Variants in ITPR1 observed in about 807,000 individuals in gnomAD.
ITPR1 encodes the protein inositol 1,4,5-trisphosphate-gated calcium channel ITPR1.
ITPR1 carries 96 observed loss-of-function variants against 318.4 expected under a neutral mutation model. The ratio of observed to expected loss-of-function variants is 0.30; its 90% CI spans 0.26 to 0.36. The LOEUF (loss-of-function observed/expected upper bound fraction) is 0.36, where lower values mean the gene tolerates loss of function less well. Ranked by LOEUF, ITPR1 falls within the 10% of genes least tolerant of loss-of-function variation. The pLI, the probability that ITPR1 is intolerant of heterozygous loss-of-function variation, is 1.00. For missense variants in ITPR1, 2,440 were observed against 3,460.2 expected (o/e 0.71, Z 7.40); for synonymous variants, 1,312 against 1,289.9 (o/e 1.02, Z -0.37).
At chr3:4,711,038 C>A (rs2041320648) in intron 38 of ITPR1, among the ~76,000 whole-genome samples, 1 of 151,750 alleles carries the variant, frequency 6.6e-6, no homozygotes, top group Non-Finnish European at 1.5e-5. Flanking sequence ...ATGGTGAAAC[C>A]CTATCTTGAC....
At chr3:4,627,277 C>T (rs1433659744) in intron 4 of ITPR1, among the ~76,000 whole-genome samples, 2 of 152,056 alleles carry the variant, frequency 1.3e-5, no homozygotes, top group African/African-American at 2.4e-5. Flanking sequence ...GTAGCATTAA[C>T]AACGTGGCAA....
At chr3:4,609,485 G>T (rs2091946034) in intron 4 of ITPR1, among the ~76,000 whole-genome samples, 1 of 152,116 alleles carries the variant, frequency 6.6e-6, no homozygotes, top group Non-Finnish European at 1.5e-5. Flanking sequence ...GTGGGCGAAA[G>T]GGTCTCTTTG....
chr3:4,740,832 G>A (rs990660498), intron 44 of ITPR1, among the ~76,000 whole-genome samples: 2 of 152,300 alleles, frequency 1.3e-5, no homozygotes, highest in South Asian at 4.1e-4. Flanking sequence ...GTGACACGTT[G>A]TCAGGTGATA....
chr3:4,574,868 T>A (rs1054748000), intron 4 of ITPR1, among the ~76,000 whole-genome samples: 5 of 152,226 alleles, frequency 3.3e-5, no homozygotes, highest in Admixed American at 3.3e-4. Context: ...TTAAAATGGA[T>A]CTGCAGGCTT....
In ITPR1 at chr3:4,640,564, G is replaced by T. The variant is rs145197788; in HGVS notation, c.366+1094G>T. Among the ~76,000 whole-genome samples, 496 of 152,334 alleles carry T rather than the reference G, an allele frequency of 3.3e-3. 5 individuals carry two copies. The highest frequency in any genetic ancestry group is 0.011 in the African/African-American group (457 of 41,572). ...AGTACAGGACTTCCTGATTTGGTTA[G>T]ATTGGAGAATATGGCTTGAAATGAA... is the stretch of plus-strand genomic sequence containing the variant. On this transcript the variant is annotated intron_variant, in intron 6 of 61. Transcript: ENST00000649015.
At chr3:4,736,545 T>A (rs907724385) in intron 44 of ITPR1, among the ~76,000 whole-genome samples, 7 of 152,254 alleles carry the variant, frequency 4.6e-5, no homozygotes, top group Non-Finnish European at 8.8e-5. Context: ...ACTTTTGAAG[T>A]TCATTGTCAC....
chr3:4,549,227 A>T (rs2085318419), intron 4 of ITPR1, among the ~76,000 whole-genome samples: 1 of 152,224 alleles, frequency 6.6e-6, no homozygotes, highest in South Asian at 2.1e-4. Context: ...AAATAGACAA[A>T]TGCACTGACA....
At chr3:4,798,937 GC>G (rs2048054820) in intron 53 of ITPR1, among the ~76,000 whole-genome samples, 1 of 152,180 alleles carries the variant, frequency 6.6e-6, no homozygotes, top group African/African-American at 2.4e-5. Context: ...TAGGGATGGG[GC>G]AAGGCATCAC....
chr3:4,697,337 TG>T, intron 34 of ITPR1, 65 bp downstream of exon 34: 1 of 1,412,726 alleles, frequency 7.1e-7, no homozygotes, highest in Non-Finnish European at 9.6e-7. Context: ...TGTGTGTGTG[TG>T]TGTGTGTGTG....
At chr3:4,694,397 G>C (rs1001327023) in intron 33 of ITPR1, among the ~76,000 whole-genome samples, 2 of 150,272 alleles carry the variant, frequency 1.3e-5, no homozygotes, top group Non-Finnish European at 3.0e-5. Flanking sequence ...TTAGTTTGTA[G>C]TACACATTTA....
At chr3:4,613,348 T>A (rs1361835261) in intron 4 of ITPR1, among the ~76,000 whole-genome samples, 1 of 152,208 alleles carries the variant, frequency 6.6e-6, no homozygotes, top group East Asian at 1.9e-4. Flanking sequence ...GAGGGATGAC[T>A]TTGAATAGAA....
chr3:4,770,014 A>G (rs1466514407), intron 46 of ITPR1, among the ~76,000 whole-genome samples: 1 of 152,152 alleles, frequency 6.6e-6, no homozygotes, highest in Non-Finnish European at 1.5e-5. Flanking sequence ...TGGTGTGAGG[A>G]TGAACAAGGA....
At chr3:4,674,404 G>A in intron 22 of ITPR1, 61 bp downstream of exon 22, 9 of 1,394,832 alleles carry the variant, frequency 6.5e-6, no homozygotes, top group Non-Finnish European at 8.7e-6. Flanking sequence ...TTTTTCTATG[G>A]GGCAAATAGA....
chr3:4,587,824 T>G (rs74799692), intron 4 of ITPR1, among the ~76,000 whole-genome samples: 6,418 of 152,324 alleles, frequency 0.042, 182 homozygotes, highest in Non-Finnish European at 0.064. Flanking sequence ...GCTTAGTATC[T>G]AATCTTTGTC....
At chr3:4,837,057 G>A (rs1473451702) in intron 61 of ITPR1, 122 bp downstream of exon 61, 6 of 848,312 alleles carry the variant, frequency 7.1e-6, no homozygotes, top group Non-Finnish European at 1.0e-5. Context: ...AAGGGAGCCA[G>A]GCAACAGGGG....
chr3:4,544,817 A>C (rs187325685), intron 4 of ITPR1, among the ~76,000 whole-genome samples: 242 of 152,310 alleles, frequency 1.6e-3, no homozygotes, highest in Non-Finnish European at 2.8e-3. Flanking sequence ...TTTTTTAGAC[A>C]GGGTCTTACT....
chr3:4,765,155 C>T (rs1344161280), intron 44 of ITPR1, among the ~76,000 whole-genome samples: 1 of 152,132 alleles, frequency 6.6e-6, no homozygotes, highest in Non-Finnish European at 1.5e-5. Context: ...GTCGTGAAGG[C>T]CTCAATGACA....
Position 4,779,564 on chromosome 3 carries a change from G to A in ITPR1, c.6306G>A (p.Lys2102=). The stretch of plus-strand genomic sequence containing the variant: ...TCTCCAACTAGAACAATGCCTCGAA[G>A]TTGCTCCTGGCCATCATGGAAAGCA... ...LVLELKNNAS[K]LLLAIMESRH... The change falls in exon 49 of 62, where the codon AAG becomes AAA. Residue 2102 remains lysine, a synonymous_variant. Transcript: ENST00000649015. This position sits in a 1 kb window ranked among gnomAD's most constrained non-coding sequence, Gnocchi z 4.0. 1.2e-6 allele frequency: 2 copies of A among 1,612,094 alleles called. No homozygotes were observed. The highest frequency in any genetic ancestry group is 1.1e-5 in the South Asian group (1 of 91,042).
intron 40 of ITPR1, among the ~76,000 whole-genome samples, chr3:4,723,687 C>A (rs980808911): frequency 6.6e-6 from 1 of 151,602 alleles, no homozygotes; most frequent in Non-Finnish European, 1.5e-5. Flanking sequence ...TCTTTATTTT[C>A]TTTTGCTTTT....
Sources: gnomAD v4.1 joint callset for allele counts (sites outside exome capture counted in the v4.1 genomes callset) on GRCh38, gnomAD v4.1.1 for gene constraint, Gnocchi (gnomAD v3.1) non-coding constraint, MANE v1.5 for transcripts, NCBI Gene and HGNC (gene_info 2026-07-23, HGNC 2026-07-21) for gene names.